The following ACTMAP variants were observed in gnomAD, a reference collection of about 807,000 sequenced individuals.
The protein encoded by ACTMAP is UPF0692 protein C19orf54.
chr19:40,749,508 T>C, the ACTMAP span: 1 of 1,549,270 alleles, frequency 6.5e-7, no homozygotes, highest in Non-Finnish European at 8.7e-7. Flanking sequence ...CAGAAGCCTC[T>C]TCACATCTTC....
chr19:40,742,485 GCC>G, the ACTMAP span: 1 of 1,499,544 alleles, frequency 6.7e-7, no homozygotes, highest in Non-Finnish European at 8.9e-7. Context: ...ACAGAGGCCA[GCC>G]CGTACCCCAC....
At chr19:40,742,710 G>A in the ACTMAP span, 6 of 1,612,258 alleles carry the variant, frequency 3.7e-6, no homozygotes, top group African/African-American at 2.7e-5. Context: ...GAACAGGCCC[G>A]GCAGCTCAGG....
the ACTMAP span, chr19:40,742,849 C>T: frequency 7.3e-7 from 1 of 1,378,528 alleles, no homozygotes; most frequent in Non-Finnish European, 9.9e-7. Context: ...TCCGCCCTCT[C>T]CCGGCCCTCC....
the ACTMAP span, chr19:40,744,685 T>G: frequency 2.5e-6 from 4 of 1,605,440 alleles, no homozygotes; most frequent in Non-Finnish European, 3.4e-6. Flanking sequence ...AGCCCGCATC[T>G]GGGGACAGAG....
At chr19:40,747,899 CT>C in the ACTMAP span, among the ~76,000 whole-genome samples, 1 of 152,210 alleles carries the variant, frequency 6.6e-6, no homozygotes, top group Admixed American at 6.5e-5. Flanking sequence ...GCTTGGAGCC[CT>C]GCCGCCAGAG....
the ACTMAP span, chr19:40,744,091 A>AC: frequency 1.9e-6 from 3 of 1,613,712 alleles, no homozygotes; most frequent in East Asian, 2.2e-5. Flanking sequence ...ATGTCCAGTG[A>AC]CCAGGTGCTG....
chr19:40,742,106 C>T, the ACTMAP span: 1 of 547,474 alleles, frequency 1.8e-6, no homozygotes. Context: ...GAGGCTGACG[C>T]AGTTCAGTGT....
the ACTMAP span, among the ~76,000 whole-genome samples, chr19:40,747,430 C>T: frequency 6.6e-6 from 1 of 151,892 alleles, no homozygotes; most frequent in Admixed American, 6.6e-5. Context: ...CCCAGCTACT[C>T]AGGAGGCCGA....
chr19:40,744,014 T>C, the ACTMAP span: 1 of 1,614,000 alleles, frequency 6.2e-7, no homozygotes. Flanking sequence ...GGTGTGGCCC[T>C]GGGACCCACC....
the ACTMAP span, chr19:40,744,340 G>A: frequency 2.7e-4 from 380 of 1,383,352 alleles, 2 homozygotes; most frequent in African/African-American, 5.0e-3. Flanking sequence ...AAGAGCGTGA[G>A]TGGCTTGTCC....
the ACTMAP span, chr19:40,741,376 GAGGCTGGAGT>G: frequency 5.2e-6 from 1 of 192,770 alleles, no homozygotes; most frequent in Non-Finnish European, 1.1e-5. Flanking sequence ...CTGGGAAGTG[GAGGCTGGAGT>G]GAGCTGAGAT....
the ACTMAP span, chr19:40,741,947 T>C: frequency 2.3e-6 from 1 of 440,746 alleles, no homozygotes; most frequent in Non-Finnish European, 4.6e-6. Context: ...TGAGCCCCAA[T>C]GGAAAAGTTA....
chr19:40,740,947 G>C, the ACTMAP span: 7 of 398,604 alleles, frequency 1.8e-5, no homozygotes, highest in African/African-American at 8.2e-5. Flanking sequence ...GTTTGGGAAA[G>C]AGGCAGGCTC....
chr19:40,740,995 G>A, the ACTMAP span: 38 of 398,548 alleles, frequency 9.5e-5, no homozygotes, highest in East Asian at 3.6e-5. Context: ...GTCACTGGGC[G>A]GCTATTCTTG....
the ACTMAP span, chr19:40,744,187 A>AT: frequency 1.9e-6 from 3 of 1,583,152 alleles, no homozygotes; most frequent in Non-Finnish European, 2.6e-6. Context: ...CAGCCTGCCC[A>AT]TATCGGCCAC....
chr19:40,749,292 G>A, the ACTMAP span, among the ~76,000 whole-genome samples: 3 of 152,110 alleles, frequency 2.0e-5, no homozygotes, highest in African/African-American at 7.2e-5. Flanking sequence ...CACCCGGACT[G>A]GACTGGGCAC....
the ACTMAP span, among the ~76,000 whole-genome samples, chr19:40,747,078 A>C: frequency 6.6e-6 from 1 of 151,334 alleles, no homozygotes; most frequent in Admixed American, 6.6e-5. Context: ...AAGTGCTGGG[A>C]TTATAGGCAT....
At chr19:40,749,077 G>C in the ACTMAP span, among the ~76,000 whole-genome samples, 3 of 144,514 alleles carry the variant, frequency 2.1e-5, no homozygotes, top group African/African-American at 7.8e-5. Flanking sequence ...TGCAACCTCT[G>C]CCTCCAGGGT....
At chr19:40,742,230 C>T in the ACTMAP span, 2 of 710,100 alleles carry the variant, frequency 2.8e-6, no homozygotes, top group Middle Eastern at 2.4e-4. Flanking sequence ...ATGGAATAGG[C>T]AGGCCGCAGG....
Sources: allele counts gnomAD v4.1 joint callset (sites outside exome capture counted in the v4.1 genomes callset), GRCh38; gene constraint gnomAD v4.1.1; transcripts MANE v1.5; gene names NCBI Gene and HGNC (gene_info 2026-07-23, HGNC 2026-07-21).